Variants in BTBD9 observed in about 807,000 individuals in gnomAD.
The protein encoded by BTBD9 is BTB/POZ domain-containing protein 9.
BTBD9 carries 49 observed loss-of-function variants against 64.3 expected under a neutral mutation model. That is an observed-to-expected ratio of 0.76 (90% CI 0.61 to 0.97). The LOEUF (loss-of-function observed/expected upper bound fraction) is 0.97, where lower values mean the gene tolerates loss of function less well. Among genes scored for constraint, BTBD9 ranks in the 50% least tolerant of loss-of-function variants. The probability of loss-of-function intolerance (pLI) is 0.00; values close to 1 mark genes in which losing one functional copy is unlikely to be tolerated. For missense variants in BTBD9, 598 were observed against 762.1 expected (o/e 0.78, Z 2.53); for synonymous variants, 260 against 274.7 (o/e 0.95, Z 0.53).
chr6:38,591,726 G>T (rs963801028), intron 4 of BTBD9, among the ~76,000 whole-genome samples: 2 of 152,100 alleles, frequency 1.3e-5, no homozygotes, highest in Non-Finnish European at 2.9e-5. Context: ...GAATTAAATC[G>T]TGTAGGACCT....
chr6:38,240,178 G>GT (rs1364896735), intron 9 of BTBD9, among the ~76,000 whole-genome samples: 1 of 152,206 alleles, frequency 6.6e-6, no homozygotes, highest in Non-Finnish European at 1.5e-5. Context: ...CATCTAGGTA[G>GT]TAAGTACTTC....
chr6:38,455,644 AT>A (rs1291738390), intron 6 of BTBD9, among the ~76,000 whole-genome samples: 2 of 152,172 alleles, frequency 1.3e-5, no homozygotes, highest in African/African-American at 4.8e-5. Context: ...TATACCACAG[AT>A]TTTTCACCCA....
chr6:38,636,074 T>C (rs947352541), intron 1 of BTBD9, among the ~76,000 whole-genome samples: 6 of 152,236 alleles, frequency 3.9e-5, no homozygotes, highest in African/African-American at 1.4e-4. Flanking sequence ...AGACAGGCAT[T>C]GTGTTAATCA....
At chr6:38,373,766 G>A (rs908104780) in intron 6 of BTBD9, among the ~76,000 whole-genome samples, 2 of 152,028 alleles carry the variant, frequency 1.3e-5, no homozygotes, top group East Asian at 1.9e-4. Context: ...TGCCTCAAGC[G>A]AACCTCCTGC....
At chr6:38,379,171 T>C (rs1396914018) in intron 6 of BTBD9, among the ~76,000 whole-genome samples, 1 of 152,156 alleles carries the variant, frequency 6.6e-6, no homozygotes, top group Non-Finnish European at 1.5e-5. Flanking sequence ...GCTTGGGGTC[T>C]GAACAGGGAG....
At chr6:38,225,747 A>G (rs574502190) in intron 9 of BTBD9, among the ~76,000 whole-genome samples, 4 of 149,994 alleles carry the variant, frequency 2.7e-5, no homozygotes, top group Non-Finnish European at 5.9e-5. Flanking sequence ...GGTACGAGGG[A>G]CTACCTATGA....
At chr6:38,474,703 T>C (rs906885522) in intron 6 of BTBD9, among the ~76,000 whole-genome samples, 6 of 152,210 alleles carry the variant, frequency 3.9e-5, no homozygotes, top group Non-Finnish European at 8.8e-5. Context: ...CTTTTTTTAA[T>C]AGTATTTCCA....
intron 8 of BTBD9, among the ~76,000 whole-genome samples, chr6:38,286,913 C>A (rs1196310843): frequency 6.6e-6 from 1 of 151,634 alleles, no homozygotes; most frequent in Non-Finnish European, 1.5e-5. Context: ...GAAACCCCAT[C>A]TCTACTAAAA....
chr6:38,426,908 T>C (rs563396592), intron 6 of BTBD9, among the ~76,000 whole-genome samples: 1 of 151,742 alleles, frequency 6.6e-6, no homozygotes, highest in East Asian at 1.9e-4. Flanking sequence ...CTGGTAACAG[T>C]ATCATGTCTA....
chr6:38,538,214 A>G (rs943200611), intron 6 of BTBD9, among the ~76,000 whole-genome samples: 1 of 152,194 alleles, frequency 6.6e-6, no homozygotes, highest in African/African-American at 2.4e-5. Flanking sequence ...ATCTATTCCT[A>G]CACACTTGAT....
chr6:38,610,609 G>A (rs1777584465), intron 1 of BTBD9, among the ~76,000 whole-genome samples: 3 of 152,140 alleles, frequency 2.0e-5, no homozygotes, highest in African/African-American at 4.8e-5. Flanking sequence ...GATCAGAAAT[G>A]GAGAGGTGCT....
intron 6 of BTBD9, among the ~76,000 whole-genome samples, chr6:38,553,814 C>T (rs1402797958): frequency 6.6e-6 from 1 of 151,600 alleles, no homozygotes; most frequent in Non-Finnish European, 1.5e-5. Context: ...GACCATGCCA[C>T]TGCACTCCAG....
chr6:38,250,228 T>C (rs1416170191), intron 9 of BTBD9, among the ~76,000 whole-genome samples: 1 of 152,150 alleles, frequency 6.6e-6, no homozygotes, highest in African/African-American at 2.4e-5. Flanking sequence ...GTGTTACTAA[T>C]GATAGGAAAG....
At chr6:38,299,681 T>G (rs908802439) in intron 7 of BTBD9, among the ~76,000 whole-genome samples, 1 of 152,270 alleles carries the variant, frequency 6.6e-6, no homozygotes, top group African/African-American at 2.4e-5. Context: ...GTTCATATCC[T>G]TTGCCCACTT....
At chr6:38,285,587 C>A (rs1298602980) in intron 8 of BTBD9, among the ~76,000 whole-genome samples, 1 of 152,078 alleles carries the variant, frequency 6.6e-6, no homozygotes, top group Admixed American at 6.5e-5. Context: ...AGAGAGTGGG[C>A]AGAGCTACTA....
At chr6:38,263,721 G>A (rs995897994) in intron 8 of BTBD9, among the ~76,000 whole-genome samples, 2 of 152,124 alleles carry the variant, frequency 1.3e-5, no homozygotes, top group African/African-American at 2.4e-5. Flanking sequence ...CTGGGGTCCC[G>A]ACAGATTCCA....
Position 38,487,809 on chromosome 6 carries a change from C to T in BTBD9, c.1154+89791G>A, listed in dbSNP as rs149873692. On this transcript the variant is annotated intron_variant, in intron 6 of 10. Transcript: ENST00000481247. Reference sequence around the variant, plus strand: ...ACAGAGATCAGCAAACTATGGCCTGCGAGCCAAAAATAAATTTTATATTTT... The same window carrying T: ...ACAGAGATCAGCAAACTATGGCCTGTGAGCCAAAAATAAATTTTATATTTT... Among the ~76,000 whole-genome samples the T allele has an allele frequency of 1.1e-4, 17 of 152,052 alleles. 1 individual carries two copies. Among genetic ancestry groups the T allele is most frequent in the East Asian group, 3.9e-4 (2 of 5,180 alleles).
chr6:38,417,024 C>T (rs941952750), intron 6 of BTBD9, among the ~76,000 whole-genome samples: 10 of 152,172 alleles, frequency 6.6e-5, no homozygotes, highest in African/African-American at 2.2e-4. Context: ...GTAACCTTGT[C>T]CTCCTGGGCT....
chr6:38,449,948 T>G (rs1300897987), intron 6 of BTBD9, among the ~76,000 whole-genome samples: 1 of 152,162 alleles, frequency 6.6e-6, no homozygotes, highest in African/African-American at 2.4e-5. Flanking sequence ...TACATAAAAC[T>G]AAAAAGCTCC....
Sources: allele counts gnomAD v4.1 joint callset (sites outside exome capture counted in the v4.1 genomes callset), GRCh38; gene constraint gnomAD v4.1.1; transcripts MANE v1.5; gene names NCBI Gene and HGNC (gene_info 2026-07-23, HGNC 2026-07-21).